NPHS1: variants seen among roughly 807,000 people sequenced by gnomAD.
NPHS1 encodes the protein nephrin.
In NPHS1, 107 loss-of-function variants were observed where a neutral mutation model predicts 139.7. The ratio of observed to expected loss-of-function variants is 0.77; its 90% CI spans 0.66 to 0.90. The LOEUF is 0.90. Ranked by LOEUF, NPHS1 falls within the 40% of genes least tolerant of loss-of-function variation. The pLI is 0.00. For synonymous variants in NPHS1, 707 were observed against 706.6 expected (o/e 1.00, Z -0.01); for missense variants, 1,580 against 1,654.2 (o/e 0.96, Z 0.78).
At chr19:35,832,194 A>T (rs370393667) in intron 23 of NPHS1, among the ~76,000 whole-genome samples, 6 of 152,192 alleles carry the variant, frequency 3.9e-5, no homozygotes, top group African/African-American at 1.4e-4. Context: ...TGGAATAGTT[A>T]AGTGTCTGTC....
chr19:35,827,038 C>T (rs570564823), intron 28 of NPHS1, among the ~76,000 whole-genome samples: 8 of 152,238 alleles, frequency 5.3e-5, no homozygotes, highest in East Asian at 1.9e-4. Flanking sequence ...TGCAATGGCA[C>T]GATCTTAGCT....
At chr19:35,841,216 T>C (rs577780837) in intron 20 of NPHS1, among the ~76,000 whole-genome samples, 7 of 151,774 alleles carry the variant, frequency 4.6e-5, no homozygotes, top group African/African-American at 1.7e-4. Context: ...CTACTAGAAA[T>C]ACAAAAATTA....
At position 35,845,552 on chromosome 19, in the gene NPHS1, G is replaced by C. The variant is rs1297382330; in HGVS notation, c.1758-12C>G. Reference sequence around the variant, plus strand: ...CCACGCCCTCCAGCCTGTGGAACCGGGGTCAAGCCAGGGCTGCGAGCGGAG... The same window carrying C: ...CCACGCCCTCCAGCCTGTGGAACCGCGGTCAAGCCAGGGCTGCGAGCGGAG... On this transcript the variant is annotated splice_polypyrimidine_tract_variant and intron_variant, in intron 13 of 28. Transcript: ENST00000378910. This position sits in a 1 kb window ranked among gnomAD's most constrained non-coding sequence, Gnocchi z 5.5. The C allele has an allele frequency of 5.6e-6, 9 of 1,611,602 alleles. No individual in the cohort carries two copies. In the East Asian group the frequency reaches 1.6e-4, roughly 28 times the overall value.
rs374250149 is a variant in NPHS1, at chr19:35,851,867, C to T, written c.-30G>A. On this transcript the variant is annotated 5_prime_UTR_variant, in exon 1 of 29. Transcript: ENST00000378910. ...GGTCCCCCTACTGTGACCCCCACAG[C>T]GCCCGCTGCCAGCCACCTGCGTCTG... 6.9e-5 allele frequency: 107 copies of T among 1,546,170 alleles called. 2 individuals are homozygous for T. The African/African-American group carries it at 1.1e-3, about 16-fold the overall frequency.
chr19:35,850,327 A>T, intron 5 of NPHS1, 37 bp downstream of exon 5: 1 of 1,561,076 alleles, frequency 6.4e-7, no homozygotes, highest in Admixed American at 1.7e-5. Flanking sequence ...GGGGAAAATT[A>T]GGGGTCAAGG....
In NPHS1 at chr19:35,841,816, G is replaced by C; in HGVS notation, c.2714C>G (p.Thr905Ser). ...CTGGGCGGCAGACACGTTGGCAATG[G>C]TCAGGAGGCTGCTGTGGACACCACC... ...HQGGVHSSLL[T>S]IANVSAAQDY... The change falls in exon 20 of 29, where the codon ACC (threonine) becomes AGC (serine). Residue 905 changes from threonine to serine, a missense_variant. Thr to Ser is a moderately conservative substitution (Grantham distance 58). Transcript: ENST00000378910. The C allele has an allele frequency of 6.2e-7, 1 of 1,614,116 alleles. No individual in the cohort carries two copies. The highest frequency in any genetic ancestry group is 8.5e-7 in the Non-Finnish European group (1 of 1,180,000).
intron 23 of NPHS1, among the ~76,000 whole-genome samples, chr19:35,835,018 T>G (rs573713585): frequency 6.6e-6 from 1 of 150,774 alleles, no homozygotes; most frequent in East Asian, 2.0e-4. Flanking sequence ...GCCAACATGG[T>G]GAAACCCCGT....
chr19:35,849,682 CAG>C, intron 5 of NPHS1, 29 bp from the exon 6 acceptor site: 1 of 1,542,658 alleles, frequency 6.5e-7, no homozygotes, highest in Non-Finnish European at 9.0e-7. Flanking sequence ...GTTATAGAGT[CAG>C]AGTCATCATC....
rs150150842 is a variant in NPHS1 at position 35,845,723 on chromosome 19, A to G, written c.1703T>C (p.Val568Ala). ...RPGDALNLTC[V>A]SVSSNPPVNL... is the part of the protein sequence containing the mutation. ...GACCGGCGGATTGCTGCTGACGCTG[A>G]CGCATGTCAAGTTTAAGGCGTCTCC... is the stretch of plus-strand genomic sequence containing the variant. The change falls in exon 13 of 29, where the codon GTC becomes GCC. Residue 568 changes from valine (V) to alanine (A), a missense_variant. Val to Ala is a moderately conservative substitution (Grantham distance 64). Transcript: ENST00000378910. The surrounding 1 kb of genome is among the most constrained non-coding windows in gnomAD (Gnocchi z 5.5). 3.0e-5 allele frequency: 48 copies of G among 1,613,964 alleles called. No homozygotes were observed. Among genetic ancestry groups the G allele is most frequent in the Non-Finnish European group, 3.8e-5 (45 of 1,179,966 alleles).
chr19:35,846,361 G>A (rs1393815955), intron 11 of NPHS1, among the ~76,000 whole-genome samples, 167 bp from the exon 12 acceptor site: 1 of 152,212 alleles, frequency 6.6e-6, no homozygotes, highest in Admixed American at 6.5e-5. Context: ...AAGCAGTGGG[G>A]AGTGGAACTG....
At chr19:35,843,705 GAC>G in intron 16 of NPHS1, 112 bp from the exon 17 acceptor site, 1 of 1,370,666 alleles carries the variant, frequency 7.3e-7, no homozygotes, top group Non-Finnish European at 1.0e-6. Context: ...TATGGGTGTG[GAC>G]ACAATCTGCC....
chr19:35,849,306 G>A lies in NPHS1; in HGVS notation c.770C>T (p.Ala257Val), dbSNP rs1377983017. The A allele has an allele frequency of 1.2e-6, 2 of 1,613,012 alleles. No individual in the cohort carries two copies. The highest frequency in any genetic ancestry group is 2.2e-5 in the South Asian group (2 of 91,018). ...WPGLDEGHVRAGQSLELPCVA... is the reference protein window; with the variant it reads ...WPGLDEGHVRVGQSLELPCVA... ...GCACGGCAGCTCCAAGCTCTGTCCT[G>A]CCCGCACGTGCCCCTCATCCAGGCC... Residue 257 changes from alanine (A) to valine (V), a missense_variant, in exon 7 of 29, where the codon GCA (alanine) becomes GTA (valine). Transcript: ENST00000378910.
chr19:35,840,305 T>C (rs1485886821), intron 20 of NPHS1, among the ~76,000 whole-genome samples: 1 of 146,314 alleles, frequency 6.8e-6, no homozygotes, highest in Non-Finnish European at 1.5e-5. Context: ...GCGCCTGGCA[T>C]GGTTAGGTTT....
intron 20 of NPHS1, 103 bp downstream of exon 20, chr19:35,841,612 G>T: frequency 7.2e-7 from 1 of 1,393,524 alleles, no homozygotes; most frequent in Non-Finnish European, 1.0e-6. Context: ...CACATACACA[G>T]AACTTCCGGT....
At chr19:35,835,653 G>A (rs1972946906) in intron 23 of NPHS1, 52 bp downstream of exon 23, 2 of 1,494,928 alleles carry the variant, frequency 1.3e-6, no homozygotes, top group African/African-American at 1.4e-5. Context: ...TCAGAGACCA[G>A]GAGGTTCCAT....
intron 23 of NPHS1, among the ~76,000 whole-genome samples, chr19:35,835,056 C>T (rs1225411721): frequency 6.7e-6 from 1 of 149,936 alleles, no homozygotes; most frequent in Non-Finnish European, 1.5e-5. Context: ...AACAATTAGC[C>T]AGGTGTGGTG....
chr19:35,831,414 C>G lies in NPHS1; in HGVS notation c.3312-43G>C, dbSNP rs190103872. The stretch of plus-strand genomic sequence containing the variant: ...TGGGGGGAAGTTGAGTGCTGCCCCC[C>G]GCCACCAGTCTCCCCCAAACCTCCC... On this transcript the variant is annotated intron_variant, in intron 25 of 28. Transcript: ENST00000378910. 1,521 of 1,612,900 alleles carry G rather than the reference C, an allele frequency of 9.4e-4. 11 individuals are homozygous for G. The African/African-American group carries it at 0.012, about 12-fold the overall frequency.
At chr19:35,828,511 G>T (rs1397445377) in intron 28 of NPHS1, among the ~76,000 whole-genome samples, 3 of 152,114 alleles carry the variant, frequency 2.0e-5, no homozygotes, top group Non-Finnish European at 4.4e-5. Flanking sequence ...TGATCCGCCC[G>T]CCTTGGCCTC....
rs988385367 is a variant in NPHS1 at position 35,844,107 on chromosome 19, C to T, written c.2208G>A (p.Val736=). The change falls in exon 16 of 29, where the codon GTG becomes GTA. Residue 736 remains valine (V), a synonymous_variant. Coordinates refer to ENST00000378910, the MANE Select transcript of NPHS1 (RefSeq NM_004646.4). ...TCCATGGTGGGCGGGGCTCACAGTGCACGTCCAGCCGCAGCCGCGCTTCCG... is the reference window on the plus strand; with the variant it reads ...TCCATGGTGGGCGGGGCTCACAGTGTACGTCCAGCCGCAGCCGCGCTTCCG... ...GTAEARLRLD[V]HYAPTIRALQ... 2.5e-6 allele frequency: 4 copies of T among 1,606,782 alleles called. No individual in the cohort carries two copies. The African/African-American group carries it at 5.4e-5, about 22-fold the overall frequency.
Sources: allele counts gnomAD v4.1 joint callset (sites outside exome capture counted in the v4.1 genomes callset), GRCh38; gene constraint gnomAD v4.1.1; non-coding constraint Gnocchi (gnomAD v3.1); transcripts MANE v1.5; gene names NCBI Gene and HGNC (gene_info 2026-07-23, HGNC 2026-07-21).